The following FBXO4 variants were observed in gnomAD, a reference collection of about 807,000 sequenced individuals.
FBXO4 encodes the protein F-box protein 4.
FBXO4 carries 36 observed loss-of-function variants against 43.7 expected under a neutral mutation model. The observed-to-expected ratio is 0.82, with a 90% confidence interval of 0.63 to 1.09. FBXO4 has a LOEUF of 1.09. FBXO4 is among the 50% of genes least tolerant of loss of function. The probability of loss-of-function intolerance (pLI) is 0.00; values close to 1 mark genes in which losing one functional copy is unlikely to be tolerated. For missense variants in FBXO4, 435 were observed against 474.1 expected (o/e 0.92, Z 0.77); for synonymous variants, 180 against 165.6 (o/e 1.09, Z -0.67).
chr5:41,991,836 TG>T, the FBXO4 span, among the ~76,000 whole-genome samples: 1 of 152,226 alleles, frequency 6.6e-6, no homozygotes, highest in Admixed American at 6.5e-5. Flanking sequence ...GCCAGCACTT[TG>T]GGAGGCCGAG....
the FBXO4 span, among the ~76,000 whole-genome samples, chr5:41,982,314 G>T: frequency 6.6e-6 from 1 of 152,094 alleles, no homozygotes; most frequent in Admixed American, 6.5e-5. Context: ...AGATCCCTGA[G>T]GAATCGCCAC....
downstream of FBXO4, among the ~76,000 whole-genome samples, chr5:41,945,349 A>C (rs889413149): frequency 2.6e-5 from 4 of 152,228 alleles, no homozygotes; most frequent in African/African-American, 4.8e-5. Flanking sequence ...TAAATGGCTA[A>C]ATGTGGACAT....
the FBXO4 span, among the ~76,000 whole-genome samples, chr5:41,999,527 A>ATATATATG: frequency 8.8e-6 from 1 of 113,164 alleles, no homozygotes; most frequent in Admixed American, 9.8e-5. Flanking sequence ...ATATATACAT[A>ATATATATG]TATATATACA....
At chr5:41,926,451 T>C (rs1236309739) in intron 1 of FBXO4, among the ~76,000 whole-genome samples, 2 of 152,196 alleles carry the variant, frequency 1.3e-5, no homozygotes, top group Non-Finnish European at 2.9e-5. Flanking sequence ...CAGGCGCCTG[T>C]AGTCCCAGCT....
the FBXO4 span, among the ~76,000 whole-genome samples, chr5:42,002,260 C>G: frequency 1.3e-5 from 2 of 152,074 alleles, no homozygotes; most frequent in African/African-American, 4.8e-5. Context: ...TACCTCTTTC[C>G]CAGAGGGTCG....
chr5:42,032,896 C>T, the FBXO4 span, among the ~76,000 whole-genome samples: 1 of 152,140 alleles, frequency 6.6e-6, no homozygotes, highest in Non-Finnish European at 1.5e-5. Context: ...CAACATAGTG[C>T]CTGGGTATCG....
chr5:41,927,397 T>C, intron 2 of FBXO4, 149 bp downstream of exon 2: 1 of 594,126 alleles, frequency 1.7e-6, no homozygotes, highest in Non-Finnish European at 2.9e-6. Flanking sequence ...TTAAATGACT[T>C]CCTTCATAGG....
the FBXO4 span, chr5:41,964,033 A>G: frequency 6.6e-6 from 1 of 152,206 alleles, no homozygotes; most frequent in Non-Finnish European, 1.5e-5. Context: ...GCAATTCAAA[A>G]TTGATTTTGA....
At chr5:42,000,668 C>CA in the FBXO4 span, among the ~76,000 whole-genome samples, 1 of 152,066 alleles carries the variant, frequency 6.6e-6, no homozygotes, top group African/African-American at 2.4e-5. Flanking sequence ...AGACCAACGA[C>CA]AAAAAATGAC....
At chr5:42,006,440 C>T in the FBXO4 span, among the ~76,000 whole-genome samples, 2 of 152,016 alleles carry the variant, frequency 1.3e-5, no homozygotes, top group African/African-American at 4.8e-5. Context: ...AACCAAACAG[C>T]AGTTACTTTA....
chr5:41,957,238 A>G, the FBXO4 span, among the ~76,000 whole-genome samples: 1 of 151,892 alleles, frequency 6.6e-6, no homozygotes, highest in Non-Finnish European at 1.5e-5. Flanking sequence ...CCAACTACAC[A>G]TATGATAACT....
At chr5:41,954,691 A>G in the FBXO4 span, among the ~76,000 whole-genome samples, 5 of 152,226 alleles carry the variant, frequency 3.3e-5, no homozygotes, top group Non-Finnish European at 7.3e-5. Context: ...TTTTCAGGAA[A>G]CAGGATATTA....
the FBXO4 span, among the ~76,000 whole-genome samples, chr5:41,952,851 G>T: frequency 0.013 from 2,010 of 151,838 alleles, 17 homozygotes; most frequent in Middle Eastern, 0.075. Context: ...GTGTATTTTT[G>T]AGTTCTAAAA....
chr5:42,014,949 A>C, the FBXO4 span, among the ~76,000 whole-genome samples: 1 of 152,188 alleles, frequency 6.6e-6, no homozygotes, highest in Admixed American at 6.5e-5. Flanking sequence ...AAATACAAAA[A>C]TATTATTAGA....
At chr5:41,975,719 A>T in the FBXO4 span, among the ~76,000 whole-genome samples, 2 of 152,234 alleles carry the variant, frequency 1.3e-5, no homozygotes, top group Admixed American at 6.5e-5. Context: ...ACCATTGTTA[A>T]GTATATAGTT....
intron 5 of FBXO4, among the ~76,000 whole-genome samples, chr5:41,938,689 C>T (rs185717247): frequency 6.6e-6 from 1 of 152,252 alleles, no homozygotes; most frequent in Admixed American, 6.5e-5. Context: ...TGGTTGCATC[C>T]TTTTCTGGAG....
At chr5:42,026,142 T>C in the FBXO4 span, among the ~76,000 whole-genome samples, 2 of 151,954 alleles carry the variant, frequency 1.3e-5, no homozygotes, top group Non-Finnish European at 2.9e-5. Flanking sequence ...TATGGGCATT[T>C]TAAGATTATT....
chr5:41,954,045 G>T, the FBXO4 span, among the ~76,000 whole-genome samples: 1 of 152,124 alleles, frequency 6.6e-6, no homozygotes, highest in Non-Finnish European at 1.5e-5. Context: ...AAGTGTTGAG[G>T]TTAATTACAG....
At chr5:41,933,745 T>C (rs528784175) in intron 3 of FBXO4, among the ~76,000 whole-genome samples, 1 of 152,308 alleles carries the variant, frequency 6.6e-6, no homozygotes, top group South Asian at 2.1e-4. Context: ...GTTTTTTTCT[T>C]TCTCTGTATT....
Sources: allele counts gnomAD v4.1 joint callset (sites outside exome capture counted in the v4.1 genomes callset), GRCh38; gene constraint gnomAD v4.1.1; transcripts MANE v1.5; gene names NCBI Gene and HGNC (gene_info 2026-07-23, HGNC 2026-07-21).